NF1: variants seen among roughly 807,000 people sequenced by gnomAD.
NF1 encodes neurofibromin 1, also known as neurofibromin.
NF1 carries 122 observed loss-of-function variants against 325.7 expected under a neutral mutation model. The ratio of observed to expected loss-of-function variants is 0.37; its 90% confidence interval spans 0.32 to 0.44. The LOEUF (loss-of-function observed/expected upper bound fraction) is 0.44, where lower values mean the gene tolerates loss of function less well. Ranked by LOEUF, NF1 falls within the 20% of genes least tolerant of loss-of-function variation. The probability of loss-of-function intolerance (pLI) is 1.00; values close to 1 mark genes in which losing one functional copy is unlikely to be tolerated. For synonymous variants in NF1, 1,091 were observed against 1,186.0 expected, an observed-to-expected ratio of 0.92 and a Z score of 1.65; for missense variants, 2,140 against 3,415.4, an observed-to-expected ratio of 0.63 and a Z score of 9.31.
intron 12 of NF1, among the ~76,000 whole-genome samples, chr17:31,209,878 C>T (rs1346573219): frequency 6.6e-6 from 1 of 152,120 alleles, no homozygotes; most frequent in Non-Finnish European, 1.5e-5. Flanking sequence ...TGAACTGTGA[C>T]CTCAGGTGAT....
chr17:31,096,447 A>G (rs1911730023), intron 1 of NF1, among the ~76,000 whole-genome samples: 1 of 152,218 alleles, frequency 6.6e-6, no homozygotes, highest in Non-Finnish European at 1.5e-5. Context: ...GCTGATTAGA[A>G]TAAATGCACA....
intron 1 of NF1, chr17:31,137,212 C>T (rs1915845467): frequency 6.6e-6 from 1 of 152,036 alleles, no homozygotes; most frequent in South Asian, 2.1e-4. Flanking sequence ...TTGGGAGTGA[C>T]ATTTGTTGTT....
Position 31,347,040 on chromosome 17 carries a change from C to T in NF1, c.7190-2080C>T, listed in dbSNP as rs796185356. On this transcript the variant is annotated intron_variant, in intron 48 of 57. Coordinates refer to ENST00000358273, the MANE Select transcript of NF1 (RefSeq NM_001042492.3). Reference sequence around the variant, plus strand: ...TCTTTTATTGTGAAAAAAAAAACCCCTGAAAGTCTTGGGAACCCCCTAAAG... The same window carrying T: ...TCTTTTATTGTGAAAAAAAAAACCCTTGAAAGTCTTGGGAACCCCCTAAAG... Among the ~76,000 whole-genome samples the T allele has an allele frequency of 1.9e-4, 29 of 151,516 alleles. 1 individual carries two copies. Among genetic ancestry groups the T allele is most frequent in the African/African-American group, 6.3e-4 (26 of 41,350 alleles).
Position 31,225,224 on chromosome 17 carries a change from C to T in NF1, c.1975C>T (p.Arg659Trp), listed in dbSNP as rs757512142. 21 of 1,613,534 alleles carry T rather than the reference C, an allele frequency of 1.3e-5. No homozygotes were observed. The highest frequency in any genetic ancestry group is 4.0e-5 in the African/African-American group (3 of 74,848). Residue 659 changes from arginine to tryptophan, a missense_variant, in exon 17 of 58, where the codon CGG becomes TGG. This residue lies in a region of NF1 where 380 missense variants were observed against 639.3 expected (regional missense o/e 0.59). Transcript: ENST00000358273. ...ACTACGTACTCCTGGAGCCTCTCTC[C>T]GGAAGGGAAAAGGGAACTCCTCTAT... Reference protein sequence around the residue: ...ELLRTPGASLRKGKGNSSMDS... With the variant: ...ELLRTPGASLWKGKGNSSMDS...
At chr17:31,362,064 G>T (rs2070413946) in intron 57 of NF1, among the ~76,000 whole-genome samples, 1 of 152,090 alleles carries the variant, frequency 6.6e-6, no homozygotes, top group Non-Finnish European at 1.5e-5. Flanking sequence ...CATCATTTGG[G>T]AGCTTGTTAG....
chr17:31,117,093 T>C (rs985206432), intron 1 of NF1, among the ~76,000 whole-genome samples: 5 of 152,080 alleles, frequency 3.3e-5, no homozygotes, highest in Non-Finnish European at 5.9e-5. Flanking sequence ...GCAATTCTCC[T>C]GCCTCAGCCT....
chr17:31,327,244 G>A (rs1057474294), intron 37 of NF1, among the ~76,000 whole-genome samples: 3 of 152,194 alleles, frequency 2.0e-5, no homozygotes, highest in African/African-American at 7.2e-5. Flanking sequence ...TTACAGGGAT[G>A]AGCCACTGCA....
chr17:31,228,909 T>C (rs1362590529), intron 20 of NF1, 116 bp from the exon 21 acceptor site: 2 of 758,678 alleles, frequency 2.6e-6, no homozygotes, highest in Non-Finnish European at 4.3e-6. Flanking sequence ...GATTTTAATG[T>C]ATATTTTACA....
intron 1 of NF1, among the ~76,000 whole-genome samples, chr17:31,098,002 T>A (rs963188033): frequency 6.6e-6 from 1 of 152,000 alleles, no homozygotes; most frequent in African/African-American, 2.4e-5. Context: ...CCACTGTGCC[T>A]GGCCTATTCC....
intron 36 of NF1, chr17:31,305,521 T>C (rs1252629658): frequency 6.2e-7 from 1 of 1,614,208 alleles, no homozygotes; most frequent in Non-Finnish European, 8.5e-7. Context: ...CTGTGACTGC[T>C]TCTCTGTTGT....
intron 36 of NF1, chr17:31,295,129 G>A (rs1460541213): frequency 6.2e-7 from 1 of 1,614,130 alleles, no homozygotes; most frequent in Non-Finnish European, 8.5e-7. Flanking sequence ...CCCTCCATAA[G>A]TTAAGGGTTG....
intron 36 of NF1, among the ~76,000 whole-genome samples, chr17:31,317,008 G>A (rs536028438): frequency 2.6e-5 from 4 of 152,086 alleles, no homozygotes; most frequent in Non-Finnish European, 4.4e-5. Context: ...TTAGGCATTG[G>A]TGTTTTTTAA....
At chr17:31,339,684 T>C (rs1213110632) in intron 46 of NF1, among the ~76,000 whole-genome samples, 1 of 152,180 alleles carries the variant, frequency 6.6e-6, no homozygotes, top group East Asian at 1.9e-4. Context: ...GAACCATGAT[T>C]CTAATGTGAT....
At chr17:31,343,243 C>G (rs2069873668) in intron 48 of NF1, 108 bp downstream of exon 48, 3 of 1,146,992 alleles carry the variant, frequency 2.6e-6, no homozygotes, top group Middle Eastern at 4.6e-4. Flanking sequence ...GCCCTTATGT[C>G]TTACTTTAAA....
At chr17:31,115,067 T>C (rs1419201467) in intron 1 of NF1, among the ~76,000 whole-genome samples, 1 of 152,194 alleles carries the variant, frequency 6.6e-6, no homozygotes, top group Non-Finnish European at 1.5e-5. Context: ...TTACATCAGC[T>C]AATAGAATAA....
At chr17:31,286,706 T>C (rs2068234790) in intron 36 of NF1, among the ~76,000 whole-genome samples, 2 of 152,238 alleles carry the variant, frequency 1.3e-5, no homozygotes, top group Admixed American at 1.3e-4. Context: ...ATGGATGTGG[T>C]TGTATGCCAG....
intron 54 of NF1, chr17:31,358,258 C>G: frequency 3.5e-6 from 2 of 563,620 alleles, no homozygotes; most frequent in East Asian, 6.1e-5. Flanking sequence ...TTCACAATTT[C>G]TTCCCTGGTG....
In NF1 at chr17:31,298,438, A is replaced by C. The variant is rs16972170; in HGVS notation, c.4836-27382A>C. Among the ~76,000 whole-genome samples the C allele has an allele frequency of 7.9e-3, 1,196 of 152,202 alleles. 21 individuals carry two copies. Among genetic ancestry groups the C allele is most frequent in the African/African-American group, 0.028 (1,145 of 41,552 alleles). On this transcript the variant is annotated intron_variant, in intron 36 of 57. Transcript: ENST00000358273. ...GAAAGTCTCTTTATGCCTTGTTACTAAATCGTTTGTTTTTCTCTAAATTAT... is the reference window on the plus strand; with the variant it reads ...GAAAGTCTCTTTATGCCTTGTTACTCAATCGTTTGTTTTTCTCTAAATTAT...
In NF1 at chr17:31,283,449, AGTTTTTTTGTTTTT is replaced by A. The variant is rs567819867; in HGVS notation, c.4835+18120_4835+18133del. 9.1e-3 allele frequency among the ~76,000 whole-genome samples: 1,352 copies of A among 148,288 alleles called. 21 individuals carry two copies. The highest frequency in any genetic ancestry group is 0.032 in the African/African-American group (1,293 of 40,514). On this transcript the variant is annotated intron_variant, in intron 36 of 57. Transcript: ENST00000358273. Reference sequence around the variant, plus strand: ...CAAACAAAAAAAAACACTAATTACCAGTTTTTTTGTTTTTGTTTTTTTGGGACAGGGTCTCACTC... The same window carrying A: ...CAAACAAAAAAAAACACTAATTACCAGTTTTTTTGGGACAGGGTCTCACTC...
Sources: allele counts gnomAD v4.1 joint callset (sites outside exome capture counted in the v4.1 genomes callset), GRCh38; gene constraint gnomAD v4.1.1; regional missense constraint gnomAD v4.1.1; transcripts MANE v1.5; gene names NCBI Gene and HGNC (gene_info 2026-07-23, HGNC 2026-07-21).